Variants in SLC24A1 observed in about 807,000 individuals in gnomAD.
SLC24A1 encodes solute carrier family 24 member 1, also known as sodium/potassium/calcium exchanger 1.
SLC24A1 carries 52 observed loss-of-function variants against 88.1 expected under a neutral mutation model. The ratio of observed to expected loss-of-function variants is 0.59; its 90% confidence interval spans 0.47 to 0.74. The LOEUF is 0.74. Among genes scored for constraint, SLC24A1 ranks in the 30% least tolerant of loss-of-function variants. The pLI is 0.00. For missense variants in SLC24A1, 1,173 were observed against 1,363.3 expected (o/e 0.86, Z 2.20); for synonymous variants, 455 against 498.0 (o/e 0.91, Z 1.15).
At chr15:65,660,365 C>G, downstream of SLC24A1, 4 of 1,468,434 alleles carry the variant, frequency 2.7e-6, no homozygotes, top group South Asian at 1.2e-5. Context: ...TGAACTGATT[C>G]TAAGTCTCAG....
downstream of SLC24A1, among the ~76,000 whole-genome samples, chr15:65,657,306 G>T (rs772677473): frequency 2.0e-5 from 3 of 152,174 alleles, no homozygotes; most frequent in Non-Finnish European, 2.9e-5. Context: ...ACCAAAGGGG[G>T]CAGGAATTGG....
At chr15:65,616,305 C>T (rs2074142015) in intron 2 of SLC24A1, among the ~76,000 whole-genome samples, 1 of 152,240 alleles carries the variant, frequency 6.6e-6, no homozygotes, top group African/African-American at 2.4e-5. Flanking sequence ...AATCACCACA[C>T]TGTCTTCCAC....
At chr15:65,634,377 T>C (rs1252426455) in intron 2 of SLC24A1, among the ~76,000 whole-genome samples, 1 of 152,120 alleles carries the variant, frequency 6.6e-6, no homozygotes, top group Admixed American at 6.5e-5. Context: ...CTGCAAAGGA[T>C]CCCATTGCTC....
chr15:65,626,476 C>CT (rs2074521236), intron 2 of SLC24A1, among the ~76,000 whole-genome samples: 2 of 152,158 alleles, frequency 1.3e-5, no homozygotes, highest in Non-Finnish European at 2.9e-5. Context: ...CTTGGAGGGG[C>CT]TGATGGCTTG....
At chr15:65,622,164 T>C (rs2074339837) in intron 1 of SLC24A1, 72 bp downstream of exon 1, 1 of 152,176 alleles carries the variant, frequency 6.6e-6, no homozygotes, top group Non-Finnish European at 1.5e-5. Context: ...CACAGGAACA[T>C]TAGAAAGAGA....
At chr15:65,634,706 T>C (rs895395813) in intron 2 of SLC24A1, among the ~76,000 whole-genome samples, 1 of 35,034 alleles carries the variant, frequency 2.9e-5, no homozygotes, top group Non-Finnish European at 6.6e-5. Context: ...CTTGGGAAAA[T>C]AAATGGGATT....
chr15:65,635,446 CAAA>C (rs56960432), intron 2 of SLC24A1, among the ~76,000 whole-genome samples: 19 of 58,356 alleles, frequency 3.3e-4, no homozygotes, highest in East Asian at 2.4e-3. Flanking sequence ...ACTCCGTCTC[CAAA>C]AAAAAAAAAA....
intron 2 of SLC24A1, among the ~76,000 whole-genome samples, chr15:65,612,787 T>C (rs1483986811): frequency 1.3e-5 from 2 of 152,204 alleles, no homozygotes; most frequent in Non-Finnish European, 2.9e-5. Flanking sequence ...CAGGGTCTGA[T>C]TCATTACCTT....
chr15:65,634,740 CAAAAAAA>C (rs5813364), intron 2 of SLC24A1, among the ~76,000 whole-genome samples: 6 of 90,526 alleles, frequency 6.6e-5, no homozygotes, highest in Non-Finnish European at 1.3e-4. Flanking sequence ...TCAAAAGCAC[CAAAAAAA>C]AAAAAAAAAA....
In SLC24A1 at chr15:65,654,567, T is replaced by TATCA; in HGVS notation, c.*489_*492dup. ...CTTTTCTGTTCAAATTGTGAGGTTC[T>TATCA]ATCAGGTTTGTAATCACTGTAGCTT... On this transcript the variant is annotated 3_prime_UTR_variant, in exon 10 of 10. Coordinates refer to ENST00000261892, the MANE Select transcript of SLC24A1 (RefSeq NM_004727.3). 1 of 1,192,420 alleles carries TATCA rather than the reference T, an allele frequency of 8.4e-7. No homozygotes were observed. The highest frequency in any genetic ancestry group is 1.6e-5 in the African/African-American group (1 of 61,624). 73.9% of individuals were successfully genotyped at this position (1,192,420 alleles called of 1,614,324 possible).
upstream of SLC24A1, among the ~76,000 whole-genome samples, chr15:65,620,718 T>A (rs2074292788): frequency 6.6e-6 from 1 of 152,356 alleles, no homozygotes; most frequent in South Asian, 2.1e-4. Context: ...GAGGATTTCC[T>A]TCTCCCCTGA....
upstream of SLC24A1, among the ~76,000 whole-genome samples, chr15:65,621,656 G>A (rs1351504476): frequency 3.3e-5 from 5 of 152,250 alleles, no homozygotes; most frequent in South Asian, 1.0e-3. Flanking sequence ...CGTTTTCTCA[G>A]AGCGCCTTCT....
intron 2 of SLC24A1, among the ~76,000 whole-genome samples, chr15:65,616,306 T>G (rs1194317567): frequency 6.6e-6 from 1 of 152,232 alleles, no homozygotes; most frequent in Non-Finnish European, 1.5e-5. Flanking sequence ...ATCACCACAC[T>G]GTCTTCCACA....
Position 65,625,518 on chromosome 15 carries a change from G to T in SLC24A1, c.1438G>T (p.Ala480Ser). 1 of 1,614,050 alleles carries T rather than the reference G, an allele frequency of 6.2e-7. No individual in the cohort carries two copies. Among genetic ancestry groups the T allele is most frequent in the South Asian group, 1.1e-5 (1 of 91,086 alleles). Reference sequence around the variant, plus strand: ...TGTTTGCGACGAGTACTTCGTTCCAGCCCTGGGTGTCATCACAGACAAGCT... The same window carrying T: ...TGTTTGCGACGAGTACTTCGTTCCATCCCTGGGTGTCATCACAGACAAGCT... ...AIVCDEYFVPALGVITDKLQI... is the reference protein window; with the variant it reads ...AIVCDEYFVPSLGVITDKLQI... Residue 480 changes from alanine (A) to serine (S), a missense_variant, in exon 2 of 10, where the codon GCC (alanine) becomes TCC (serine). Ala to Ser is a moderately conservative substitution (Grantham distance 99). Coordinates refer to ENST00000261892, the MANE Select transcript of SLC24A1 (RefSeq NM_004727.3).
intron 6 of SLC24A1, among the ~76,000 whole-genome samples, chr15:65,646,098 C>T (rs1051034668): frequency 6.6e-6 from 1 of 152,224 alleles, no homozygotes; most frequent in East Asian, 1.9e-4. Context: ...TCATTGCCTA[C>T]TGCACCTGGT....
At chr15:65,613,366 T>A (rs1462594736) in intron 2 of SLC24A1, among the ~76,000 whole-genome samples, 1 of 152,044 alleles carries the variant, frequency 6.6e-6, no homozygotes, top group Non-Finnish European at 1.5e-5. Context: ...GATATCTCAA[T>A]CTCCCAGAGC....
At chr15:65,652,216 T>C in intron 8 of SLC24A1, 1 of 311,348 alleles carries the variant, frequency 3.2e-6, no homozygotes, top group Non-Finnish European at 6.1e-6. Flanking sequence ...AGGCCGAGAT[T>C]AGGGTCTATG....
At position 65,654,647 on chromosome 15, in the gene SLC24A1, G is replaced by T. The variant is rs2075614817; in HGVS notation, c.*568G>T. The T allele has an allele frequency of 1.0e-5, 13 of 1,269,784 alleles. No homozygotes were observed. The South Asian group carries it at 1.3e-4, about 13-fold the overall frequency. The allele number at this position is 1,269,784 out of a possible 1,614,324, so 78.7% of individuals were successfully genotyped here. A position where few individuals can be genotyped will look rare whatever the true frequency, so the allele number is the denominator to read the frequency against. On this transcript the variant is annotated 3_prime_UTR_variant, in exon 10 of 10. Coordinates refer to ENST00000261892, the MANE Select transcript of SLC24A1 (RefSeq NM_004727.3). ...CTACAGAAAAAAAAGAAATATAACA[G>T]GAATTAATGATCATTCCACGTTTTG...
Position 65,645,846 on chromosome 15 carries a change from C to G in SLC24A1, c.2232+143C>G, listed in dbSNP as rs988498026. The G allele has an allele frequency of 1.3e-4, 81 of 624,036 alleles. No homozygotes were observed. In the East Asian group the frequency reaches 2.2e-3, roughly 17 times the overall value. 38.7% of individuals were successfully genotyped at this position (624,036 alleles called of 1,614,324 possible). On this transcript the variant is annotated intron_variant, in intron 6 of 9. Coordinates refer to ENST00000261892, the MANE Select transcript of SLC24A1 (RefSeq NM_004727.3). ...TAAATATTACCCTTTCTCTGAAGAT[C>G]ACTTGAAAAATACAAGTATCTCATG...
Sources: gnomAD v4.1 joint callset for allele counts (sites outside exome capture counted in the v4.1 genomes callset) on GRCh38, gnomAD v4.1.1 for gene constraint, MANE v1.5 for transcripts, NCBI Gene and HGNC (gene_info 2026-07-23, HGNC 2026-07-21) for gene names.